The following JPH3 variants were observed in gnomAD, a reference collection of about 807,000 sequenced individuals.
JPH3 encodes junctophilin-3.
In JPH3, 11 loss-of-function variants were observed where a neutral mutation model predicts 59.6. That is an observed-to-expected ratio of 0.18 (90% CI 0.12 to 0.31). JPH3 has a LOEUF of 0.31. JPH3 is among the 10% of genes least tolerant of loss of function. JPH3 has a pLI of 1.00. For missense variants in JPH3, 1,202 were observed against 1,105.7 expected, an observed-to-expected ratio of 1.09 and a Z score of -1.24; for synonymous variants, 673 against 483.6, an observed-to-expected ratio of 1.39 and a Z score of -5.14.
At chr16:87,682,661 T>C in intron 2 of JPH3, among the ~76,000 whole-genome samples, 1 of 152,208 alleles carries the variant, frequency 6.6e-6, no homozygotes, top group South Asian at 2.1e-4. Context: ...TGTCTGCTAT[T>C]GATGAGCCGC....
In JPH3 at chr16:87,690,473, C is replaced by T. The variant is rs1028619652; in HGVS notation, c.2113C>T (p.Pro705Ser). ...CTTCTCCCCGCCCCAGAAATCCTTG[C>T]CTGTCGCTCTAGAGTCCGACGAGGA... ...LTFSPPQKSL[P>S]VALESDEENG... The change falls in exon 4 of 5, where the codon CCT becomes TCT. Residue 705 changes from proline to serine, a missense_variant. Coordinates refer to ENST00000284262, the MANE Select transcript of JPH3 (RefSeq NM_020655.4). 3 of 1,487,976 alleles carry T rather than the reference C, an allele frequency of 2.0e-6. No individual in the cohort carries two copies. Among genetic ancestry groups the T allele is most frequent in the African/African-American group, 2.8e-5 (2 of 70,726 alleles). 92.2% of individuals were successfully genotyped at this position (1,487,976 alleles called of 1,614,324 possible).
At chr16:87,631,526 C>G (rs545707189) in intron 1 of JPH3, among the ~76,000 whole-genome samples, 31 of 152,184 alleles carry the variant, frequency 2.0e-4, no homozygotes, top group African/African-American at 7.0e-4. Flanking sequence ...CATTTAGGGT[C>G]TTTGTCATTT....
Position 87,693,043 on chromosome 16 carries a change from G to T in JPH3, c.2166+2517G>T, listed in dbSNP as rs116410340. Among the ~76,000 whole-genome samples the T allele has an allele frequency of 3.3e-3, 501 of 152,342 alleles. 3 individuals are homozygous for T. Among genetic ancestry groups the T allele is most frequent in the African/African-American group, 0.012 (486 of 41,580 alleles). ...GCTGTTCTCTGCCCCCTGCAGGCTG[G>T]CCCGGCCCAACCAAGTTGTCATGGG... On this transcript the variant is annotated intron_variant, in intron 4 of 4. Transcript: ENST00000284262.
At chr16:87,626,075 G>A (rs909219767) in intron 1 of JPH3, among the ~76,000 whole-genome samples, 12 of 152,164 alleles carry the variant, frequency 7.9e-5, no homozygotes, top group African/African-American at 2.2e-4. Flanking sequence ...GCTATCGGGG[G>A]TGTTTACCCT....
At chr16:87,668,998 G>T (rs1333223799) in intron 2 of JPH3, among the ~76,000 whole-genome samples, 1 of 152,136 alleles carries the variant, frequency 6.6e-6, no homozygotes, top group East Asian at 1.9e-4. Context: ...CGGAGGTCCT[G>T]CGAGGCGAGG....
chr16:87,606,000 G>A (rs749346944), intron 1 of JPH3, among the ~76,000 whole-genome samples: 1 of 152,222 alleles, frequency 6.6e-6, no homozygotes, highest in Non-Finnish European at 1.5e-5. Flanking sequence ...ACTCGGGCCT[G>A]GACATCTGGG....
At chr16:87,695,480 C>A (rs777260155) in intron 4 of JPH3, 1 of 455,848 alleles carries the variant, frequency 2.2e-6, no homozygotes. Flanking sequence ...CAGCTCCTTA[C>A]CACAGTGGGG....
chr16:87,661,795 A>G (rs567655699), intron 2 of JPH3, among the ~76,000 whole-genome samples: 1 of 152,134 alleles, frequency 6.6e-6, no homozygotes, highest in Non-Finnish European at 1.5e-5. Flanking sequence ...GGAACATACA[A>G]TGCTGTGGTT....
intron 1 of JPH3, among the ~76,000 whole-genome samples, chr16:87,629,442 GA>G (rs1258953402): frequency 2.0e-5 from 3 of 151,012 alleles, no homozygotes; most frequent in African/African-American, 7.3e-5. Flanking sequence ...TTTTAATTTG[GA>G]TGTGAAAAAG....
chr16:87,694,403 G>C (rs1298149793), intron 4 of JPH3: 6 of 152,246 alleles, frequency 3.9e-5, no homozygotes, highest in African/African-American at 9.6e-5. Flanking sequence ...GGAGACAAAA[G>C]GGTCCCCGGG....
In JPH3 at chr16:87,690,035, C is replaced by T. The variant is rs1416682478; in HGVS notation, c.1675C>T (p.Arg559Ter). 6.5e-7 allele frequency: 1 copy of T among 1,548,268 alleles called. No individual in the cohort carries two copies. The highest frequency in any genetic ancestry group is 8.7e-7 in the Non-Finnish European group (1 of 1,146,102). Residue 559 changes from arginine (R) to a stop codon, truncating the protein, a stop_gained, in exon 4 of 5, where the codon CGA becomes TGA. Transcript: ENST00000284262. LOFTEE classifies it high-confidence loss of function. ...GGLLVDDFRT[R>*]GSGRKQPGNP... ...CCTGCTCGTGGATGACTTCCGCACCCGAGGTTCGGGCCGCAAGCAGCCCGG... is the reference window on the plus strand; with the variant it reads ...CCTGCTCGTGGATGACTTCCGCACCTGAGGTTCGGGCCGCAAGCAGCCCGG...
intron 1 of JPH3, among the ~76,000 whole-genome samples, chr16:87,627,348 G>A (rs551809794): frequency 2.6e-5 from 4 of 152,348 alleles, no homozygotes; most frequent in Non-Finnish European, 4.4e-5. Flanking sequence ...GGGTCTTGGC[G>A]CTATTGTAAC....
intron 3 of JPH3, among the ~76,000 whole-genome samples, chr16:87,687,923 G>C (rs995866253): frequency 1.3e-5 from 2 of 150,196 alleles, no homozygotes; most frequent in African/African-American, 2.5e-5. Context: ...CCCCTTGGAA[G>C]TCCCATCCTG....
At chr16:87,641,244 A>G (rs974635306) in intron 1 of JPH3, among the ~76,000 whole-genome samples, 1 of 152,134 alleles carries the variant, frequency 6.6e-6, no homozygotes, top group African/African-American at 2.4e-5. Context: ...GGCTCTTGGC[A>G]TCCTGTAGGA....
At chr16:87,640,678 C>A (rs1166097973) in intron 1 of JPH3, among the ~76,000 whole-genome samples, 2 of 152,164 alleles carry the variant, frequency 1.3e-5, no homozygotes, top group Non-Finnish European at 2.9e-5. Flanking sequence ...CAAGCATGAG[C>A]CACCCCACCC....
At chr16:87,661,836 C>T (rs2032713747) in intron 2 of JPH3, among the ~76,000 whole-genome samples, 1 of 152,194 alleles carries the variant, frequency 6.6e-6, no homozygotes, top group Admixed American at 6.5e-5. Flanking sequence ...CTCAGCATTT[C>T]CCCAATTACG....
rs1236921923 is a variant in JPH3, at chr16:87,658,616, TGTC to T, written c.1160+13584_1160+13586del. Among the ~76,000 whole-genome samples, 6 of 152,262 alleles carry T rather than the reference TGTC, an allele frequency of 3.9e-5. 1 individual carries two copies. The highest frequency in any genetic ancestry group is 2.6e-4 in the Admixed American group (4 of 15,292). Reference sequence around the variant, plus strand: ...TTCCTGAAACAGACCCAGGGCATGATGTCGTGGAGGGCAGGCCCCAGAGGCGTC... The same window carrying T: ...TTCCTGAAACAGACCCAGGGCATGATGTGGAGGGCAGGCCCCAGAGGCGTC... On this transcript the variant is annotated intron_variant, in intron 2 of 4. Coordinates refer to ENST00000284262, the MANE Select transcript of JPH3 (RefSeq NM_020655.4).
intron 2 of JPH3, among the ~76,000 whole-genome samples, chr16:87,665,393 C>A (rs1019317396): frequency 1.2e-4 from 18 of 152,248 alleles, no homozygotes; most frequent in Admixed American, 9.2e-4. Context: ...CCGGCCCAGC[C>A]CCGCTGTGAC....
chr16:87,652,208 C>G (rs776878346), intron 2 of JPH3, among the ~76,000 whole-genome samples: 2 of 152,162 alleles, frequency 1.3e-5, no homozygotes, highest in Non-Finnish European at 2.9e-5. Context: ...ATCTCCTGAC[C>G]TCGAGATCCG....
Sources: allele counts gnomAD v4.1 joint callset (sites outside exome capture counted in the v4.1 genomes callset), GRCh38; gene constraint gnomAD v4.1.1; transcripts MANE v1.5; gene names NCBI Gene and HGNC (gene_info 2026-07-23, HGNC 2026-07-21).